Variants in ABR observed in about 807,000 individuals in gnomAD.
The protein encoded by ABR is ABR activator of RhoGEF and GTPase, also known as active breakpoint cluster region-related protein.
ABR carries 35 observed loss-of-function variants against 107.2 expected under a neutral mutation model. That is an observed-to-expected ratio of 0.33 (90% CI 0.25 to 0.43). ABR has a LOEUF of 0.43. Among genes scored for constraint, ABR ranks in the 20% least tolerant of loss-of-function variants. ABR has a pLI of 1.00. For synonymous variants in ABR, 498 were observed against 462.0 expected (o/e 1.08, Z -1.00); for missense variants, 815 against 1,115.2 (o/e 0.73, Z 3.83).
At chr17:1,176,862 C>CA (rs1398112519) in intron 1 of ABR, among the ~76,000 whole-genome samples, 37 of 131,392 alleles carry the variant, frequency 2.8e-4, no homozygotes, top group African/African-American at 9.0e-4. Flanking sequence ...AAACAAAAAA[C>CA]AAAAAACAAA....
chr17:1,109,157 G>A (rs564124812), intron 2 of ABR: 17 of 1,422,762 alleles, frequency 1.2e-5, no homozygotes, highest in African/African-American at 2.9e-5. Flanking sequence ...GGGCGGGAGG[G>A]GGGGCAGGTC....
chr17:1,018,513 C>T, intron 16 of ABR, among the ~76,000 whole-genome samples: 1 of 152,216 alleles, frequency 6.6e-6, no homozygotes, highest in East Asian at 1.9e-4. Context: ...TCCGCCCCAG[C>T]TTCCCACGAC....
At chr17:1,038,214 G>C (rs966665636) in intron 16 of ABR, among the ~76,000 whole-genome samples, 1 of 152,176 alleles carries the variant, frequency 6.6e-6, no homozygotes, top group Non-Finnish European at 1.5e-5. Context: ...CCTCCTTTCA[G>C]GCATCTACAG....
chr17:1,125,073 C>A (rs533917135), intron 2 of ABR, 110 bp downstream of exon 2: 16 of 1,156,998 alleles, frequency 1.4e-5, no homozygotes, highest in Non-Finnish European at 1.9e-5. Flanking sequence ...CAGGTCCAAA[C>A]GTCTCCAGTC....
chr17:1,160,856 A>G (rs1455975847), intron 1 of ABR, among the ~76,000 whole-genome samples: 7 of 152,228 alleles, frequency 4.6e-5, no homozygotes, highest in Non-Finnish European at 8.8e-5. Flanking sequence ...CACGCTCCAC[A>G]AAGGGAACTT....
At chr17:1,034,960 C>T (rs2073057788) in intron 16 of ABR, among the ~76,000 whole-genome samples, 1 of 152,058 alleles carries the variant, frequency 6.6e-6, no homozygotes, top group Non-Finnish European at 1.5e-5. Flanking sequence ...GTAAAGCAAG[C>T]TCGGACTGGA....
At position 1,065,742 on chromosome 17, in the gene ABR, C is replaced by CTTT. The variant is rs56388222; in HGVS notation, c.1182+1332_1182+1334dup. 1.8e-3 allele frequency among the ~76,000 whole-genome samples: 214 copies of CTTT among 116,324 alleles called. 2 individuals carry two copies. Among genetic ancestry groups the CTTT allele is most frequent in the Middle Eastern group, 8.7e-3 (2 of 230 alleles). 76.3% of individuals were successfully genotyped at this position (116,324 alleles called of 152,430 possible). ...TCAGTTTGAACTTTCCAAACCAATG[C>CTTT]TTTTTTTTTTTTTTTTTTTTTTTGA... On this transcript the variant is annotated intron_variant, in intron 10 of 22. Transcript: ENST00000302538.
At chr17:1,167,694 T>A (rs1051284969) in intron 1 of ABR, among the ~76,000 whole-genome samples, 3 of 152,240 alleles carry the variant, frequency 2.0e-5, no homozygotes, top group Non-Finnish European at 4.4e-5. Flanking sequence ...ACTCAGCAGG[T>A]TGCCGGAGGC....
chr17:1,091,032 AACCC>A (rs758902435), intron 4 of ABR, among the ~76,000 whole-genome samples: 21 of 152,276 alleles, frequency 1.4e-4, no homozygotes, highest in Non-Finnish European at 2.5e-4. Flanking sequence ...TCTGCATGTT[AACCC>A]ACCCACTCCT....
At chr17:1,205,758 C>T (rs1202703159) in intron 1 of ABR, among the ~76,000 whole-genome samples, 1 of 152,234 alleles carries the variant, frequency 6.6e-6, no homozygotes, top group Non-Finnish European at 1.5e-5. Context: ...TCCTGGCCAA[C>T]ATGGTGAAAC....
chr17:1,018,233 G>T (rs4968143), intron 16 of ABR, among the ~76,000 whole-genome samples: 2 of 151,534 alleles, frequency 1.3e-5, no homozygotes, highest in African/African-American at 2.4e-5. Flanking sequence ...TAGTAGAGAC[G>T]GGGTTTCACC....
intron 21 of ABR, among the ~76,000 whole-genome samples, chr17:1,008,889 G>A (rs2070285039): frequency 6.6e-6 from 1 of 152,202 alleles, no homozygotes; most frequent in African/African-American, 2.4e-5. Flanking sequence ...GGTTGGACCT[G>A]ACTAGAAAGG....
intron 2 of ABR, among the ~76,000 whole-genome samples, chr17:1,120,255 GA>G (rs1038022268): frequency 2.6e-5 from 1 of 38,074 alleles, no homozygotes; most frequent in East Asian, 0.017. Context: ...CAATGATGAT[GA>G]TTTTTTTTTT....
chr17:1,067,250 C>G lies in ABR; in HGVS notation c.1017-8G>C, dbSNP rs371856352. 3.2e-6 allele frequency: 5 copies of G among 1,572,160 alleles called. No homozygotes were observed. Among genetic ancestry groups the G allele is most frequent in the Non-Finnish European group, 4.3e-6 (5 of 1,161,060 alleles). ...TCATACTGCTGGTGCTTCCTGCAAA[C>G]GAGCCAGAGGGAGCCATGAGCCAGA... On this transcript the variant is annotated splice_polypyrimidine_tract_variant and splice_region_variant and intron_variant, in intron 9 of 22. Coordinates refer to ENST00000302538, the MANE Select transcript of ABR (RefSeq NM_021962.5).
At chr17:1,220,855 T>C (rs2043107611) in intron 1 of ABR, among the ~76,000 whole-genome samples, 1 of 152,268 alleles carries the variant, frequency 6.6e-6, no homozygotes, top group East Asian at 1.9e-4. Flanking sequence ...AGCCCAGCCC[T>C]GTGAAAGATA....
At chr17:1,087,637 T>C (rs1390883412) in intron 4 of ABR, among the ~76,000 whole-genome samples, 1 of 151,920 alleles carries the variant, frequency 6.6e-6, no homozygotes, top group African/African-American at 2.4e-5. Context: ...CAGGGAGTAC[T>C]GAGGCCCGGC....
intron 1 of ABR, among the ~76,000 whole-genome samples, chr17:1,221,912 G>A (rs1158072332): frequency 6.6e-6 from 1 of 152,162 alleles, no homozygotes; most frequent in Non-Finnish European, 1.5e-5. Context: ...TAAAAAAGGA[G>A]AGAAAGGCAA....
At position 1,048,068 on chromosome 17, in the gene ABR, G is replaced by A. The variant is rs528733985; in HGVS notation, c.1791+1982C>T. Among the ~76,000 whole-genome samples the A allele has an allele frequency of 3.4e-4, 52 of 152,242 alleles. No homozygotes were observed. In the East Asian group the frequency reaches 5.0e-3, roughly 15 times the overall value. On this transcript the variant is annotated intron_variant, in intron 16 of 22. Coordinates refer to ENST00000302538, the MANE Select transcript of ABR (RefSeq NM_021962.5). ...GCACAGGCCAGCCCAGAACCCTTCC[G>A]TGCCTGTCCCTCTAGCCCAGCCCAG...
intron 16 of ABR, among the ~76,000 whole-genome samples, chr17:1,032,216 G>A (rs557666594): frequency 5.3e-5 from 8 of 152,026 alleles, no homozygotes; most frequent in South Asian, 2.1e-4. Flanking sequence ...CCTCCTCCCC[G>A]GGCAAAAGAC....
Sources: gnomAD v4.1 joint callset for allele counts (sites outside exome capture counted in the v4.1 genomes callset) on GRCh38, gnomAD v4.1.1 for gene constraint, MANE v1.5 for transcripts, NCBI Gene and HGNC (gene_info 2026-07-23, HGNC 2026-07-21) for gene names.